Variants in NECAB2 observed in about 807,000 individuals in gnomAD.
NECAB2 encodes N-terminal EF-hand calcium-binding protein 2.
Under a neutral mutation model 51.9 loss-of-function variants are expected in NECAB2, and 68 were observed. That is an observed-to-expected ratio of 1.31 (90% CI 1.08 to 1.60). The LOEUF (loss-of-function observed/expected upper bound fraction) is 1.60. NECAB2 is among the 40% of genes most tolerant of loss of function. The pLI, the probability that NECAB2 is intolerant of heterozygous loss-of-function variation, is 0.00. For missense variants in NECAB2, 854 were observed against 490.3 expected (o/e 1.74, Z -7.00); for synonymous variants, 329 against 203.5 (o/e 1.62, Z -5.25).
rs9922880 is a variant in NECAB2 at position 83,996,565 on chromosome 16, C to T, written c.796-651C>T. On this transcript the variant is annotated intron_variant, in intron 8 of 12. Transcript: ENST00000305202. ...AGAGGTGGTTAGTGGGGTGCCCAAG[C>T]TGAAGGAAGCAGCAGCATGAGCCTG... is the stretch of plus-strand genomic sequence containing the variant. 2.7e-3 allele frequency among the ~76,000 whole-genome samples: 409 copies of T among 152,154 alleles called. 3 individuals carry two copies. Among genetic ancestry groups the T allele is most frequent in the African/African-American group, 9.3e-3 (386 of 41,518 alleles).
intron 6 of NECAB2, 96 bp downstream of exon 6, chr16:83,990,726 G>T: frequency 6.6e-7 from 1 of 1,512,812 alleles, no homozygotes; most frequent in Non-Finnish European, 8.9e-7. Context: ...GTACCTAAGA[G>T]CTGGGTGACC....
At chr16:84,001,072 A>C (rs2084822779) in intron 11 of NECAB2, among the ~76,000 whole-genome samples, 1 of 152,094 alleles carries the variant, frequency 6.6e-6, no homozygotes, top group Admixed American at 6.5e-5. Context: ...TCCTCCTGGA[A>C]CAGCCCTGGG....
In NECAB2 at chr16:83,998,332, G is replaced by A. The variant is rs375836441; in HGVS notation, c.962+15G>A. ...AACTGCTTCCAGTGAGTGAGCTGCCGAGGCGTGGGTGGGATGGTGGCAGGG... is the reference window on the plus strand; with the variant it reads ...AACTGCTTCCAGTGAGTGAGCTGCCAAGGCGTGGGTGGGATGGTGGCAGGG... On this transcript the variant is annotated intron_variant, in intron 10 of 12. Transcript: ENST00000305202. 2.6e-5 allele frequency: 42 copies of A among 1,611,184 alleles called. No individual in the cohort carries two copies. The highest frequency in any genetic ancestry group is 1.2e-4 in the Admixed American group (7 of 59,894).
rs1469091247 is a variant in NECAB2 at position 83,978,516 on chromosome 16, A to T, written c.299A>T (p.Glu100Val). The stretch of plus-strand genomic sequence containing the variant: ...GGCGTCCTTAATGAGAAAGAACTGG[A>T]GGATCTCTTTCACACGATTGACTCT... ...ADGVLNEKELEDLFHTIDSDN... is the reference protein window; with the variant it reads ...ADGVLNEKELVDLFHTIDSDN... The change falls in exon 3 of 13, where the codon GAG becomes GTG. Residue 100 changes from glutamate (E) to valine (V), a missense_variant. Glu to Val is a moderately radical substitution (Grantham distance 121). Transcript: ENST00000305202. 6.2e-7 allele frequency: 1 copy of T among 1,613,682 alleles called. No homozygotes were observed. Among genetic ancestry groups the T allele is most frequent in the East Asian group, 2.2e-5 (1 of 44,880 alleles).
intron 3 of NECAB2, among the ~76,000 whole-genome samples, chr16:83,980,195 G>A (rs2084467573): frequency 6.6e-6 from 1 of 152,212 alleles, no homozygotes; most frequent in South Asian, 2.1e-4. Flanking sequence ...ACCATCTCTA[G>A]CCAGTCCCAG....
rs369571084 is a variant in NECAB2 at position 83,978,549 on chromosome 16, C to T, written c.332C>T (p.Thr111Ile). Reference protein sequence around the residue: ...DLFHTIDSDNTNHVDTKELCD... With the variant: ...DLFHTIDSDNINHVDTKELCD... ...TTTCACACGATTGACTCTGACAACA[C>T]CAAGTGAGCTTCAGTCCTGGCTGGC... Residue 111 changes from threonine to isoleucine, a missense_variant, in exon 3 of 13, where the codon ACC (threonine) becomes ATC (isoleucine). Thr to Ile is a moderately conservative substitution (Grantham distance 89). Coordinates refer to ENST00000305202, the MANE Select transcript of NECAB2 (RefSeq NM_019065.3). 1 of 1,611,796 alleles carries T rather than the reference C, an allele frequency of 6.2e-7. No homozygotes were observed. Among genetic ancestry groups the T allele is most frequent in the Admixed American group, 1.7e-5 (1 of 59,914 alleles).
intron 6 of NECAB2, among the ~76,000 whole-genome samples, chr16:83,991,860 T>G (rs2084630276): frequency 6.6e-6 from 1 of 150,688 alleles, no homozygotes; most frequent in African/African-American, 2.5e-5. Context: ...CTCGCCATGT[T>G]GGCCAGGCTG....
At chr16:83,986,154 T>G (rs1031625481) in intron 5 of NECAB2, among the ~76,000 whole-genome samples, 1 of 152,112 alleles carries the variant, frequency 6.6e-6, no homozygotes, top group Non-Finnish European at 1.5e-5. Flanking sequence ...GTAGCTGGGA[T>G]TACAGGCGTG....
chr16:83,979,387 G>A (rs1004878999), intron 3 of NECAB2, among the ~76,000 whole-genome samples: 1 of 152,226 alleles, frequency 6.6e-6, no homozygotes, highest in Non-Finnish European at 1.5e-5. Context: ...AAACCAGTGT[G>A]CAAGGGGTAG....
At chr16:83,965,359 G>T (rs770564186), upstream of NECAB2, 3 of 1,571,968 alleles carry the variant, frequency 1.9e-6, no homozygotes, top group Admixed American at 5.2e-5. Flanking sequence ...GGGAGGCCCT[G>T]CCCTTCATCC....
At chr16:83,991,645 G>T (rs775646964) in intron 6 of NECAB2, among the ~76,000 whole-genome samples, 1 of 150,466 alleles carries the variant, frequency 6.6e-6, no homozygotes, top group Non-Finnish European at 1.5e-5. Flanking sequence ...GAGCCATGGA[G>T]CCCGGCCTTA....
intron 8 of NECAB2, among the ~76,000 whole-genome samples, chr16:83,996,939 G>A (rs867235644): frequency 1.3e-5 from 2 of 152,026 alleles, no homozygotes; most frequent in African/African-American, 4.8e-5. Flanking sequence ...TCTAAGGGCT[G>A]TTGCTCATCA....
intron 5 of NECAB2, among the ~76,000 whole-genome samples, chr16:83,986,953 C>T (rs114693140): frequency 1.2e-3 from 184 of 152,146 alleles, no homozygotes; most frequent in African/African-American, 3.5e-3. Flanking sequence ...ATGTGGGTGA[C>T]GGGTACACTA....
chr16:84,000,915 T>C, intron 11 of NECAB2, 114 bp downstream of exon 11: 7 of 1,028,064 alleles, frequency 6.8e-6, no homozygotes, highest in Non-Finnish European at 1.0e-5. Flanking sequence ...AGTCAGCAGA[T>C]TCCCGAGGCA....
Position 84,000,705 on chromosome 16 carries a change from C to G in NECAB2, c.963-19C>G, listed in dbSNP as rs36152286. 4 of 1,612,674 alleles carry G rather than the reference C, an allele frequency of 2.5e-6. No individual in the cohort carries two copies. Among genetic ancestry groups the G allele is most frequent in the South Asian group, 1.1e-5 (1 of 91,034 alleles). On this transcript the variant is annotated intron_variant, in intron 10 of 12. Transcript: ENST00000305202. The stretch of plus-strand genomic sequence containing the variant: ...TGGTTGAGCTCCAGCCTCCTCCCCC[C>G]GACCATCTCCTGTTGCAGCATCACT...
At chr16:83,965,728 G>A, upstream of NECAB2, 3 of 1,613,678 alleles carry the variant, frequency 1.9e-6, no homozygotes, top group African/African-American at 2.7e-5. Flanking sequence ...GTGTCGAGAA[G>A]GTGTTTGGGG....
At chr16:84,000,606 G>C (rs988448721) in intron 10 of NECAB2, 118 bp from the exon 11 acceptor site, 8 of 738,354 alleles carry the variant, frequency 1.1e-5, no homozygotes, top group Admixed American at 7.2e-5. Context: ...AAGACAGGAA[G>C]AAACATTGAA....
rs74032357 is a variant in NECAB2, at chr16:83,997,168, C to A, written c.796-48C>A. 1.7e-5 allele frequency: 28 copies of A among 1,612,054 alleles called. No individual in the cohort carries two copies. The African/African-American group carries it at 3.6e-4, about 21-fold the overall frequency. Reference sequence around the variant, plus strand: ...TCCCAGAGCTCCTGGCTCCCCGGGGCGGAGTGGGGCTCTGGGTCTAGCATC... The same window carrying A: ...TCCCAGAGCTCCTGGCTCCCCGGGGAGGAGTGGGGCTCTGGGTCTAGCATC... On this transcript the variant is annotated intron_variant, in intron 8 of 12. Coordinates refer to ENST00000305202, the MANE Select transcript of NECAB2 (RefSeq NM_019065.3).
At position 83,994,180 on chromosome 16, in the gene NECAB2, G is replaced by A. The variant is rs76566369; in HGVS notation, c.597-122G>A. The A allele has an allele frequency of 4.7e-4, 416 of 877,136 alleles. 2 individuals are homozygous for A. The African/African-American group carries it at 6.6e-3, about 14-fold the overall frequency. 54.3% of individuals were successfully genotyped at this position (877,136 alleles called of 1,614,324 possible). ...CCTCTGTCAAAACAAAGGCCATGAT[G>A]CAAGTTCTGTGCATGTGTGAGTCCA... On this transcript the variant is annotated intron_variant, in intron 6 of 12. Coordinates refer to ENST00000305202, the MANE Select transcript of NECAB2 (RefSeq NM_019065.3).
Sources: gnomAD v4.1 joint callset for allele counts (sites outside exome capture counted in the v4.1 genomes callset) on GRCh38, gnomAD v4.1.1 for gene constraint, MANE v1.5 for transcripts, NCBI Gene and HGNC (gene_info 2026-07-23, HGNC 2026-07-21) for gene names.